The following NBAS variants were observed in gnomAD, a reference collection of about 807,000 sequenced individuals.
The protein encoded by NBAS is NBAS subunit of NRZ tethering complex.
In NBAS, 219 loss-of-function variants were observed where a neutral mutation model predicts 302.5. The ratio of observed to expected loss-of-function variants is 0.72; its 90% confidence interval spans 0.65 to 0.81. The LOEUF (loss-of-function observed/expected upper bound fraction) is 0.81. Ranked by LOEUF, NBAS falls within the 30% of genes least tolerant of loss-of-function variation. NBAS has a pLI of 0.00. For missense variants in NBAS, 2,932 were observed against 2,841.6 expected, an observed-to-expected ratio of 1.03 and a Z score of -0.72; for synonymous variants, 1,118 against 1,021.6, an observed-to-expected ratio of 1.09 and a Z score of -1.80.
At chr2:15,390,445 G>A (rs1347506183) in intron 28 of NBAS, among the ~76,000 whole-genome samples, 1 of 152,136 alleles carries the variant, frequency 6.6e-6, no homozygotes, top group African/African-American at 2.4e-5. Context: ...ATAAAGGGTT[G>A]GAGGGGACAA....
intron 48 of NBAS, among the ~76,000 whole-genome samples, chr2:15,195,411 A>T (rs1410664557): frequency 6.6e-6 from 1 of 152,152 alleles, no homozygotes; most frequent in East Asian, 1.9e-4. Flanking sequence ...AATATTTTTG[A>T]TATGACACTC....
At chr2:14,958,160 G>T in the NBAS span, among the ~76,000 whole-genome samples, 3 of 152,204 alleles carry the variant, frequency 2.0e-5, no homozygotes, top group Non-Finnish European at 4.4e-5. Flanking sequence ...TTGCCCCAGA[G>T]TCCCATTTAA....
intron 41 of NBAS, among the ~76,000 whole-genome samples, chr2:15,287,707 C>T (rs549366331): frequency 2.1e-4 from 32 of 150,764 alleles, no homozygotes; most frequent in East Asian, 1.4e-3. Context: ...GCAGACATCC[C>T]GCATAGGCAT....
the NBAS span, among the ~76,000 whole-genome samples, chr2:14,997,969 G>A: frequency 6.6e-6 from 1 of 152,156 alleles, no homozygotes; most frequent in African/African-American, 2.4e-5. Flanking sequence ...TTTCTCATCT[G>A]TTCCTTTCTC....
In NBAS at chr2:15,461,313, T is replaced by C. The variant is rs1382174214; in HGVS notation, c.2227A>G (p.Ile743Val). The change falls in exon 21 of 52, where the codon ATT becomes GTT. Residue 743 changes from isoleucine to valine, a missense_variant. Transcript: ENST00000281513. ...TCGGAACCATGGTAAGTAAACAGAA[T>C]TTCCAGGGCTTGTACATTACTTTCC... ...AQESNVQALE[I>V]LFTYHGSDLL... 1 of 1,613,156 alleles carries C rather than the reference T, an allele frequency of 6.2e-7. No individual in the cohort carries two copies. Among genetic ancestry groups the C allele is most frequent in the Non-Finnish European group, 8.5e-7 (1 of 1,179,208 alleles).
chr2:14,960,993 A>G, the NBAS span, among the ~76,000 whole-genome samples: 24 of 152,154 alleles, frequency 1.6e-4, no homozygotes, highest in Non-Finnish European at 3.1e-4. Flanking sequence ...GAAGGGCTCA[A>G]AGATCTCTGT....
chr2:15,515,775 T>C lies in NBAS; in HGVS notation c.747-4425A>G, dbSNP rs182948664. ...ATAAAGTTCCACTGGTAAAACCATGTAACTTAAAAAAAAAGCCAGTCAATG... is the reference window on the plus strand; with the variant it reads ...ATAAAGTTCCACTGGTAAAACCATGCAACTTAAAAAAAAAGCCAGTCAATG... On this transcript the variant is annotated intron_variant, in intron 9 of 51. Coordinates refer to ENST00000281513, the MANE Select transcript of NBAS (RefSeq NM_015909.4). 3.5e-3 allele frequency among the ~76,000 whole-genome samples: 526 copies of C among 152,016 alleles called. 1 individual carries two copies. The highest frequency in any genetic ancestry group is 6.8e-3 in the Non-Finnish European group (460 of 67,968).
At chr2:15,430,460 C>G (rs1677705984) in intron 21 of NBAS, among the ~76,000 whole-genome samples, 1 of 152,180 alleles carries the variant, frequency 6.6e-6, no homozygotes, top group African/African-American at 2.4e-5. Flanking sequence ...TAATCTTTAG[C>G]ACTGACTGAT....
At position 15,276,958 on chromosome 2, in the gene NBAS, T is replaced by C. The variant is rs1669611711; in HGVS notation, c.5282A>G (p.Tyr1761Cys). ...IGGFDHERLQ[Y>C]YFTLLENCGC... ...ACAGTTTTCCAGAAGAGTGAAATAA[T>C]ACTGCAGCCTTTCGTGATCAAAGCC... The change falls in exon 43 of 52, where the codon TAT becomes TGT. Residue 1761 changes from tyrosine to cysteine, a missense_variant. By Grantham distance (194) the Tyr-to-Cys change is radical (BLOSUM62 -2). Transcript: ENST00000281513. 6.2e-7 allele frequency: 1 copy of C among 1,613,932 alleles called. No homozygotes were observed. Among genetic ancestry groups the C allele is most frequent in the Non-Finnish European group, 8.5e-7 (1 of 1,179,978 alleles).
At chr2:15,179,946 C>T (rs1664744209) in intron 50 of NBAS, 1 of 152,198 alleles carries the variant, frequency 6.6e-6, no homozygotes, top group Non-Finnish European at 1.5e-5. Context: ...TAGGTCCTGA[C>T]TTTAGCTGTA....
At chr2:15,536,373 G>A in intron 8 of NBAS, 45 bp downstream of exon 8, 4 of 1,589,562 alleles carry the variant, frequency 2.5e-6, no homozygotes, top group Non-Finnish European at 3.4e-6. Context: ...TTAAACCAGA[G>A]AAATAAACAT....
chr2:15,498,382 A>G (rs547718695), intron 11 of NBAS, among the ~76,000 whole-genome samples: 1 of 152,344 alleles, frequency 6.6e-6, no homozygotes, highest in South Asian at 2.1e-4. Context: ...ATATTTATAC[A>G]TACATACAGT....
intron 26 of NBAS, among the ~76,000 whole-genome samples, chr2:15,398,078 TACTC>T (rs1175331683): frequency 6.6e-6 from 1 of 151,912 alleles, no homozygotes; most frequent in East Asian, 1.9e-4. Flanking sequence ...TCCCTTAACA[TACTC>T]AGTCAGCCGT....
chr2:14,917,696 T>A, the NBAS span, among the ~76,000 whole-genome samples: 1 of 152,198 alleles, frequency 6.6e-6, no homozygotes, highest in East Asian at 1.9e-4. Context: ...CCCATTCACA[T>A]GCCCTGAGGC....
At chr2:14,944,254 CG>C in the NBAS span, among the ~76,000 whole-genome samples, 1 of 152,212 alleles carries the variant, frequency 6.6e-6, no homozygotes, top group Admixed American at 6.5e-5. Flanking sequence ...GAGCCGAGAT[CG>C]ATCGCACCAC....
At chr2:15,475,325 A>G (rs112854074) in intron 14 of NBAS, among the ~76,000 whole-genome samples, 7 of 152,332 alleles carry the variant, frequency 4.6e-5, no homozygotes, top group African/African-American at 1.4e-4. Context: ...TTTCCTTACT[A>G]AAAGAATCAA....
At chr2:14,848,828 C>A in the NBAS span, among the ~76,000 whole-genome samples, 1,174 of 151,800 alleles carry the variant, frequency 7.7e-3, 15 homozygotes, top group African/African-American at 0.027. Flanking sequence ...TGACACCTCA[C>A]ACGGCAGGGT....
chr2:15,024,701 CA>C, the NBAS span, among the ~76,000 whole-genome samples: 1 of 152,126 alleles, frequency 6.6e-6, no homozygotes, highest in African/African-American at 2.4e-5. Context: ...GTTTGATTTG[CA>C]TTTCTCCAAT....
the NBAS span, among the ~76,000 whole-genome samples, chr2:15,098,298 A>ATATT: frequency 0.17 from 108 of 634 alleles, 40 homozygotes; most frequent in Non-Finnish European, 0.21. Flanking sequence ...TATTATATAC[A>ATATT]ATATATAATA....
Sources: allele counts gnomAD v4.1 joint callset (sites outside exome capture counted in the v4.1 genomes callset), GRCh38; gene constraint gnomAD v4.1.1; transcripts MANE v1.5; gene names NCBI Gene and HGNC (gene_info 2026-07-23, HGNC 2026-07-21).